The following MBNL1 variants were observed in gnomAD, a reference collection of about 807,000 sequenced individuals.
MBNL1 encodes muscleblind-like protein 1.
In MBNL1, 8 loss-of-function variants were observed where a neutral mutation model predicts 42.2. That is an observed-to-expected ratio of 0.19 (90% CI 0.11 to 0.34). MBNL1 has a LOEUF of 0.34. Among genes scored for constraint, MBNL1 ranks in the 10% least tolerant of loss-of-function variants. The pLI, the probability that MBNL1 is intolerant of heterozygous loss-of-function variation, is 1.00. For missense variants in MBNL1, 309 were observed against 495.3 expected (o/e 0.62, Z 3.57); for synonymous variants, 169 against 173.9 (o/e 0.97, Z 0.22).
At chr3:152,407,059 GTGTGTGTGTGTGTT>G (rs1300189781) in intron 2 of MBNL1, among the ~76,000 whole-genome samples, 1 of 151,748 alleles carries the variant, frequency 6.6e-6, no homozygotes, top group Middle Eastern at 3.2e-3. Flanking sequence ...GTGTGTGTGT[GTGTGTGTGTGTGTT>G]TGTGTGAACT....
At chr3:152,269,308 C>A (rs1274554299) in intron 1 of MBNL1, 2 of 348,808 alleles carry the variant, frequency 5.7e-6, no homozygotes, top group Non-Finnish European at 1.1e-5. Context: ...TGCGCCCTTC[C>A]CTGCCGCGGG....
chr3:152,407,209 C>CTTTTT lies in MBNL1; in HGVS notation c.175-7710_175-7706dup, dbSNP rs60509782. Among the ~76,000 whole-genome samples, 28 of 54,352 alleles carry CTTTTT rather than the reference C, an allele frequency of 5.2e-4. 2 individuals carry two copies. The highest frequency in any genetic ancestry group is 1.1e-3 in the East Asian group (3 of 2,622). 35.7% of individuals were successfully genotyped at this position (54,352 alleles called of 152,430 possible). On this transcript the variant is annotated intron_variant, in intron 2 of 9. Coordinates refer to ENST00000324210, the MANE Select transcript of MBNL1 (RefSeq NM_021038.5). ...GGGATTATATCAGTGGAAATATGTTCTTTTTTTTTTTTTTTTTTTTTTTTT... is the reference window on the plus strand; with the variant it reads ...GGGATTATATCAGTGGAAATATGTTCTTTTTTTTTTTTTTTTTTTTTTTTTTTTTT...
intron 2 of MBNL1, among the ~76,000 whole-genome samples, chr3:152,406,350 G>T (rs1167211668): frequency 6.6e-6 from 1 of 152,188 alleles, no homozygotes; most frequent in Non-Finnish European, 1.5e-5. Flanking sequence ...ACTCTGAGGA[G>T]ATTAAGATTT....
intron 2 of MBNL1, among the ~76,000 whole-genome samples, chr3:152,376,247 T>C (rs1341025757): frequency 6.6e-6 from 1 of 152,212 alleles, no homozygotes; most frequent in East Asian, 1.9e-4. Context: ...AAATGTAAGA[T>C]TTTTTTCTTG....
intron 2 of MBNL1, among the ~76,000 whole-genome samples, chr3:152,316,145 C>T (rs923645450): frequency 1.3e-5 from 2 of 152,134 alleles, no homozygotes; most frequent in Non-Finnish European, 2.9e-5. Context: ...TGATCTGTAA[C>T]CTCTTGTCAC....
intron 4 of MBNL1, among the ~76,000 whole-genome samples, chr3:152,433,749 CAAA>C (rs35614565): frequency 6.6e-5 from 6 of 91,412 alleles, no homozygotes; most frequent in Admixed American, 1.2e-4. Context: ...GACTCCGTCT[CAAA>C]AAAAAAAAAA....
intron 1 of MBNL1, among the ~76,000 whole-genome samples, chr3:152,284,752 G>A (rs746914090): frequency 1.3e-5 from 2 of 152,116 alleles, no homozygotes; most frequent in Middle Eastern, 3.4e-3. Flanking sequence ...TTTTAAAGCG[G>A]CATTGCATTT....
intron 2 of MBNL1, among the ~76,000 whole-genome samples, chr3:152,318,182 T>C (rs938469825): frequency 3.3e-5 from 5 of 152,218 alleles, no homozygotes; most frequent in African/African-American, 1.2e-4. Context: ...AAGTCATTCT[T>C]ATGACTAGCT....
chr3:152,375,892 T>C (rs1178177357), intron 2 of MBNL1, among the ~76,000 whole-genome samples: 1 of 152,174 alleles, frequency 6.6e-6, no homozygotes, highest in African/African-American at 2.4e-5. Context: ...TTCCAACTGG[T>C]TTAATACTGT....
At chr3:152,352,536 C>G (rs1309576162) in intron 2 of MBNL1, among the ~76,000 whole-genome samples, 3 of 152,164 alleles carry the variant, frequency 2.0e-5, no homozygotes, top group Non-Finnish European at 4.4e-5. Context: ...TTTCTGTCTT[C>G]ACACAATTTT....
chr3:152,299,938 C>G lies in MBNL1; in HGVS notation c.-256C>G, dbSNP rs1249125089. 2.2e-6 allele frequency: 1 copy of G among 461,178 alleles called. No homozygotes were observed. Among genetic ancestry groups the G allele is most frequent in the African/African-American group, 2.0e-5 (1 of 49,508 alleles). The allele number at this position is 461,178 out of a possible 1,614,324, so 28.6% of individuals were successfully genotyped here. A position where few individuals can be genotyped will look rare whatever the true frequency, so the allele number is the denominator to read the frequency against. On this transcript the variant is annotated 5_prime_UTR_variant, in exon 2 of 10. The change creates a premature stop within an existing upstream ORF in the 5' untranslated region. Coordinates refer to ENST00000324210, the MANE Select transcript of MBNL1 (RefSeq NM_021038.5). ...CTACTTTTAAACGTTCATCTACTTA[C>G]AATCCTAGTATTTCTCTAAAAACCA...
At chr3:152,410,886 A>G (rs1392387583) in intron 2 of MBNL1, among the ~76,000 whole-genome samples, 1 of 152,238 alleles carries the variant, frequency 6.6e-6, no homozygotes, top group Non-Finnish European at 1.5e-5. Context: ...GGGTTTTGCT[A>G]CCTGTATTAT....
chr3:152,276,921 A>AG (rs1487987559), intron 1 of MBNL1, among the ~76,000 whole-genome samples: 1 of 152,152 alleles, frequency 6.6e-6, no homozygotes, highest in Admixed American at 6.5e-5. Flanking sequence ...AATGAAAAGG[A>AG]GGACATGTAT....
At chr3:152,337,817 CAG>C (rs2091423020) in intron 2 of MBNL1, among the ~76,000 whole-genome samples, 1 of 152,054 alleles carries the variant, frequency 6.6e-6, no homozygotes, top group African/African-American at 2.4e-5. Flanking sequence ...CTGATCATAA[CAG>C]AAAGTGATAA....
intron 4 of MBNL1, among the ~76,000 whole-genome samples, chr3:152,443,020 C>T (rs1482920257): frequency 6.6e-6 from 1 of 151,988 alleles, no homozygotes; most frequent in East Asian, 1.9e-4. Flanking sequence ...AAGCAGTTGA[C>T]TAAGTTTTTT....
chr3:152,275,308 A>G (rs577286759), intron 1 of MBNL1, among the ~76,000 whole-genome samples: 15 of 152,268 alleles, frequency 9.9e-5, no homozygotes, highest in African/African-American at 2.9e-4. Flanking sequence ...CCCCTATCAA[A>G]GGCCCCCTTA....
intron 2 of MBNL1, among the ~76,000 whole-genome samples, chr3:152,341,490 A>G (rs754237009): frequency 2.6e-5 from 4 of 152,222 alleles, no homozygotes; most frequent in Admixed American, 6.5e-5. Context: ...AATTCTCAAA[A>G]TAAGGTCTCA....
intron 8 of MBNL1, chr3:152,458,817 G>A (rs1739009247): frequency 6.9e-6 from 1 of 145,608 alleles, no homozygotes; most frequent in South Asian, 2.2e-4. Context: ...ATTCTTACCT[G>A]GTATTTTTAA....
intron 2 of MBNL1, among the ~76,000 whole-genome samples, chr3:152,352,661 C>A (rs2095147916): frequency 6.6e-6 from 1 of 151,990 alleles, no homozygotes; most frequent in South Asian, 2.1e-4. Context: ...GGAGACAGCT[C>A]CTCTGGGGAG....
Sources: allele counts gnomAD v4.1 joint callset (sites outside exome capture counted in the v4.1 genomes callset), GRCh38; gene constraint gnomAD v4.1.1; transcripts MANE v1.5; gene names NCBI Gene and HGNC (gene_info 2026-07-23, HGNC 2026-07-21).